GALNT17: variants seen among roughly 807,000 people sequenced by gnomAD.
GALNT17 encodes the protein UDP-GalNAc:polypeptide N-acetylgalactosaminyltransferase-like 3.
A neutral mutation model predicts 63.7 loss-of-function variants in GALNT17; 29 were observed. That is an observed-to-expected ratio of 0.46 (90% CI 0.34 to 0.62). The LOEUF (loss-of-function observed/expected upper bound fraction) is 0.62, where lower values mean the gene tolerates loss of function less well. Ranked by LOEUF, GALNT17 falls within the 20% of genes least tolerant of loss-of-function variation. The probability of loss-of-function intolerance (pLI) is 0.01; values close to 1 mark genes in which losing one functional copy is unlikely to be tolerated. For synonymous variants in GALNT17, 305 were observed against 318.3 expected (o/e 0.96, Z 0.45); for missense variants, 603 against 799.6 (o/e 0.75, Z 2.97).
rs115886563 is a variant in GALNT17 at position 71,145,640 on chromosome 7, T to C, written c.238+12600T>C. 4.4e-3 allele frequency among the ~76,000 whole-genome samples: 677 copies of C among 152,300 alleles called. 4 individuals carry two copies. Among genetic ancestry groups the C allele is most frequent in the African/African-American group, 0.015 (644 of 41,578 alleles). On this transcript the variant is annotated intron_variant, in intron 1 of 10. Coordinates refer to ENST00000333538, the MANE Select transcript of GALNT17 (RefSeq NM_022479.3). ...ACGCAGAATGTGCTGCAAGCTTGGT[T>C]TATTTTCATTTCTCCCCTCTCTTCT... is the stretch of plus-strand genomic sequence containing the variant.
intron 6 of GALNT17, among the ~76,000 whole-genome samples, chr7:71,625,662 AG>A (rs974401379): frequency 1.3e-5 from 2 of 152,158 alleles, no homozygotes; most frequent in African/African-American, 4.8e-5. Context: ...GATTGCAAGC[AG>A]GTACTTCTCC....
intron 3 of GALNT17, among the ~76,000 whole-genome samples, chr7:71,400,175 AGTGTGT>A (rs1235945690): frequency 2.7e-5 from 4 of 149,464 alleles, no homozygotes; most frequent in Non-Finnish European, 4.5e-5. Context: ...GACAGGCCCC[AGTGTGT>A]GATGCTCCCC....
At chr7:71,533,324 G>A (rs1476048149) in intron 5 of GALNT17, among the ~76,000 whole-genome samples, 2 of 152,218 alleles carry the variant, frequency 1.3e-5, no homozygotes, top group African/African-American at 2.4e-5. Flanking sequence ...TCTTGCAGTT[G>A]ATAACAACCA....
At chr7:71,451,826 A>G (rs1787267197) in intron 5 of GALNT17, among the ~76,000 whole-genome samples, 1 of 152,156 alleles carries the variant, frequency 6.6e-6, no homozygotes, top group Admixed American at 6.5e-5. Flanking sequence ...AAGTATTTTT[A>G]AAAACCAAAT....
chr7:71,206,136 G>GTATATATATATGAATATATATA (rs1789267071), intron 1 of GALNT17, among the ~76,000 whole-genome samples: 1 of 147,466 alleles, frequency 6.8e-6, no homozygotes, highest in Non-Finnish European at 1.5e-5. Flanking sequence ...GTTTGTGTGT[G>GTATATATATATGAATATATATA]TATATATATA....
rs908000613 is a variant in GALNT17 at position 71,491,801 on chromosome 7, T to C, written c.962+70696T>C. Reference sequence around the variant, plus strand: ...CCAGGTGGTGCTGATGCTGCTGGCCTGGGAGTCTCACTTTGAGATGCACTG... The same window carrying C: ...CCAGGTGGTGCTGATGCTGCTGGCCCGGGAGTCTCACTTTGAGATGCACTG... On this transcript the variant is annotated intron_variant, in intron 5 of 10. Coordinates refer to ENST00000333538, the MANE Select transcript of GALNT17 (RefSeq NM_022479.3). Among the ~76,000 whole-genome samples, 7 of 152,300 alleles carry C rather than the reference T, an allele frequency of 4.6e-5. No individual in the cohort carries two copies. The East Asian group carries it at 7.7e-4, about 17-fold the overall frequency.
chr7:71,527,466 A>AACTGCATGAAG (rs765209754), intron 5 of GALNT17, among the ~76,000 whole-genome samples: 1 of 152,184 alleles, frequency 6.6e-6, no homozygotes, highest in Non-Finnish European at 1.5e-5. Context: ...CCAAGTCTTC[A>AACTGCATGAAG]ACTGCATGAA....
chr7:71,199,452 T>G (rs948611423), intron 1 of GALNT17, among the ~76,000 whole-genome samples: 1 of 152,094 alleles, frequency 6.6e-6, no homozygotes, highest in Non-Finnish European at 1.5e-5. Context: ...CATTCATCCA[T>G]CTGTTTACCC....
intron 1 of GALNT17, among the ~76,000 whole-genome samples, chr7:71,286,586 A>T (rs1790877875): frequency 1.3e-5 from 2 of 152,090 alleles, no homozygotes; most frequent in Admixed American, 6.6e-5. Context: ...CCTTTGCCGC[A>T]GCAGGCTGTA....
intron 1 of GALNT17, among the ~76,000 whole-genome samples, chr7:71,220,061 G>A (rs11974065): frequency 0.042 from 6,334 of 152,308 alleles, 440 homozygotes; most frequent in African/African-American, 0.14. Context: ...AGGGAGCCAC[G>A]TCTTTGGTGT....
intron 1 of GALNT17, among the ~76,000 whole-genome samples, chr7:71,151,868 A>T (rs1208757039): frequency 6.6e-6 from 1 of 152,166 alleles, no homozygotes; most frequent in Non-Finnish European, 1.5e-5. Context: ...ACAAACTGAA[A>T]AGGTTAGTTT....
intron 5 of GALNT17, among the ~76,000 whole-genome samples, chr7:71,522,766 T>C (rs1788552470): frequency 6.6e-6 from 1 of 152,310 alleles, no homozygotes; most frequent in African/African-American, 2.4e-5. Context: ...CTGGATCTCT[T>C]ATCTGATGGA....
intron 2 of GALNT17, among the ~76,000 whole-genome samples, chr7:71,358,883 C>T (rs1033074929): frequency 6.6e-6 from 1 of 151,912 alleles, no homozygotes; most frequent in Non-Finnish European, 1.5e-5. Context: ...AAGTGATTCT[C>T]CTGCCTCAGA....
intron 1 of GALNT17, among the ~76,000 whole-genome samples, chr7:71,277,363 G>A (rs1446599109): frequency 6.6e-6 from 1 of 152,140 alleles, no homozygotes; most frequent in Non-Finnish European, 1.5e-5. Flanking sequence ...AGGGGCATGA[G>A]GGTAGGAAAA....
intron 5 of GALNT17, among the ~76,000 whole-genome samples, chr7:71,483,128 C>CT (rs1787850885): frequency 6.6e-6 from 1 of 152,158 alleles, no homozygotes; most frequent in Non-Finnish European, 1.5e-5. Context: ...GTCTAAGGCA[C>CT]TTACCATGAA....
intron 6 of GALNT17, among the ~76,000 whole-genome samples, chr7:71,590,769 C>T (rs952798405): frequency 6.6e-6 from 1 of 152,052 alleles, no homozygotes; most frequent in Non-Finnish European, 1.5e-5. Flanking sequence ...CTCTTGTTGC[C>T]CAGGCTGGAG....
intron 3 of GALNT17, among the ~76,000 whole-genome samples, chr7:71,412,538 A>G (rs762897459): frequency 5.9e-5 from 9 of 152,004 alleles, no homozygotes; most frequent in Non-Finnish European, 8.8e-5. Flanking sequence ...ACACCCGGCT[A>G]GTTTTTGTAT....
intron 1 of GALNT17, among the ~76,000 whole-genome samples, chr7:71,251,044 G>T (rs1790188488): frequency 6.6e-6 from 1 of 152,138 alleles, no homozygotes; most frequent in African/African-American, 2.4e-5. Flanking sequence ...TATACTTTAA[G>T]TTCTAGGGTA....
chr7:71,474,377 A>G (rs888890020), intron 5 of GALNT17, among the ~76,000 whole-genome samples: 1 of 152,072 alleles, frequency 6.6e-6, no homozygotes, highest in African/African-American at 2.4e-5. Flanking sequence ...CTTCCTGGCA[A>G]TGCAGCCCAA....
Sources: allele counts gnomAD v4.1 joint callset (sites outside exome capture counted in the v4.1 genomes callset), GRCh38; gene constraint gnomAD v4.1.1; transcripts MANE v1.5; gene names NCBI Gene and HGNC (gene_info 2026-07-23, HGNC 2026-07-21).